Variants in SMPX observed in about 807,000 individuals in gnomAD.
The protein encoded by SMPX is small muscle protein X-linked, also known as small muscular protein.
A neutral mutation model predicts 6.3 loss-of-function variants in SMPX; 2 were observed. The ratio of observed to expected loss-of-function variants is 0.32; its 90% confidence interval spans 0.13 to 0.99. The LOEUF (loss-of-function observed/expected upper bound fraction) is 0.99, where lower values mean the gene tolerates loss of function less well. Among genes scored for constraint, SMPX ranks in the 50% least tolerant of loss-of-function variants. The probability of loss-of-function intolerance (pLI) is 0.49; values close to 1 mark genes in which losing one functional copy is unlikely to be tolerated. For synonymous variants in SMPX, 32 were observed against 24.7 expected, an observed-to-expected ratio of 1.30 and a Z score of -0.88; for missense variants, 60 against 66.8, an observed-to-expected ratio of 0.90 and a Z score of 0.36.
chrX:21,711,930 AACG>A (rs2092779207), intron 4 of SMPX, among the ~76,000 whole-genome samples: 1 of 111,971 alleles, frequency 8.9e-6, no homozygotes. Flanking sequence ...AAATAAGACA[AACG>A]CCTGGCATTT....
chrX:21,715,537 C>T (rs1204640100), intron 4 of SMPX, among the ~76,000 whole-genome samples: 1 of 110,961 alleles, frequency 9.0e-6, no homozygotes, highest in East Asian at 2.8e-4. Flanking sequence ...GAGGGCTTCT[C>T]AGTATTTAAC....
At chrX:21,728,214 TTCTCTCTCTCTCTCTCTCTCTC>T (rs61469484) in intron 4 of SMPX, among the ~76,000 whole-genome samples, 14,810 of 48,415 alleles carry the variant, frequency 0.31, 1,982 homozygotes, top group East Asian at 0.62. Context: ...TTCCCCTCCT[TTCTCTCTCTCTCTCTCTCTCTC>T]TCTCTCTCTC....
intron 2 of SMPX, among the ~76,000 whole-genome samples, chrX:21,749,605 T>C (rs1188094730): frequency 8.9e-6 from 1 of 111,859 alleles, no homozygotes; most frequent in African/African-American, 3.3e-5. Flanking sequence ...GACTGAATAA[T>C]TGATTTTAGG....
At chrX:21,726,868 A>G (rs1383273662) in intron 4 of SMPX, among the ~76,000 whole-genome samples, 1 of 112,702 alleles carries the variant, frequency 8.9e-6, no homozygotes, top group African/African-American at 3.2e-5. Context: ...GTATAAACCT[A>G]TACTTGAATC....
chrX:21,743,157 G>A (rs1260547777), intron 3 of SMPX, among the ~76,000 whole-genome samples: 1 of 111,812 alleles, frequency 8.9e-6, no homozygotes, highest in Non-Finnish European at 1.9e-5. Context: ...CAGAAATGGA[G>A]GCTTGATAGA....
At chrX:21,721,261 G>GTAT (rs1378654818) in intron 4 of SMPX, among the ~76,000 whole-genome samples, 1 of 111,700 alleles carries the variant, frequency 9.0e-6, no homozygotes, top group Admixed American at 9.5e-5. Flanking sequence ...GGGAGCTAGA[G>GTAT]TATTCTCAGC....
chrX:21,754,760 C>T (rs966114967), intron 1 of SMPX, among the ~76,000 whole-genome samples: 1 of 111,821 alleles, frequency 8.9e-6, no homozygotes, highest in Non-Finnish European at 1.9e-5. Context: ...TGTTGAACAC[C>T]CAAAAAGAAA....
At chrX:21,750,856 G>A (rs1164636534) in intron 2 of SMPX, among the ~76,000 whole-genome samples, 1 of 111,997 alleles carries the variant, frequency 8.9e-6, no homozygotes, top group African/African-American at 3.2e-5. Context: ...GCATTACTTG[G>A]ATACTTAGAA....
intron 4 of SMPX, among the ~76,000 whole-genome samples, chrX:21,714,346 C>T (rs1294542669): frequency 8.9e-6 from 1 of 111,945 alleles, no homozygotes; most frequent in African/African-American, 3.3e-5. Context: ...CAGTTTTATA[C>T]TGTATAAATT....
chrX:21,754,751 G>A (rs1435112832), intron 1 of SMPX, among the ~76,000 whole-genome samples: 1 of 111,988 alleles, frequency 8.9e-6, no homozygotes, highest in African/African-American at 3.3e-5. Flanking sequence ...CCTCCTCTTT[G>A]TTGAACACCC....
chrX:21,730,918 T>G (rs992265986), intron 4 of SMPX, among the ~76,000 whole-genome samples: 9 of 112,127 alleles, frequency 8.0e-5, no homozygotes, highest in Non-Finnish European at 1.7e-4. Context: ...ATAAAGGGCA[T>G]GTTTCCCAAA....
intron 1 of SMPX, among the ~76,000 whole-genome samples, chrX:21,755,037 G>A (rs2092831413): frequency 8.9e-6 from 1 of 112,386 alleles, no homozygotes; most frequent in South Asian, 3.7e-4. Flanking sequence ...ATGTAGAAGT[G>A]CTTCCTTCCC....
intron 4 of SMPX, among the ~76,000 whole-genome samples, chrX:21,731,562 T>G (rs1348840542): frequency 2.0e-5 from 1 of 51,099 alleles, no homozygotes; most frequent in Non-Finnish European, 4.6e-5. Flanking sequence ...TATATACACA[T>G]TATGTGTATA....
chrX:21,710,732 T>A (rs1327737444), intron 4 of SMPX, among the ~76,000 whole-genome samples: 1 of 111,409 alleles, frequency 9.0e-6, no homozygotes, highest in Non-Finnish European at 1.9e-5. Flanking sequence ...GAGGCCTGAA[T>A]ACAACTGTGA....
intron 1 of SMPX, among the ~76,000 whole-genome samples, chrX:21,754,843 T>C (rs954553867): frequency 8.9e-5 from 10 of 112,347 alleles, no homozygotes; most frequent in African/African-American, 2.6e-4. Flanking sequence ...CCCAGCAACC[T>C]GGGAGATGCT....
At chrX:21,745,567 AAAG>A (rs1474983006) in intron 2 of SMPX, among the ~76,000 whole-genome samples, 1 of 112,068 alleles carries the variant, frequency 8.9e-6, no homozygotes, top group African/African-American at 3.2e-5. Context: ...GGGCCTGAAT[AAAG>A]AAGATCAAGA....
intron 4 of SMPX, among the ~76,000 whole-genome samples, chrX:21,720,703 G>A (rs755943679): frequency 6.7e-4 from 75 of 111,984 alleles, no homozygotes; most frequent in Non-Finnish European, 1.3e-3. Context: ...ATGAAATGGG[G>A]AAGAAAGATA....
intron 4 of SMPX, among the ~76,000 whole-genome samples, chrX:21,725,518 G>T (rs1339477772): frequency 8.9e-6 from 1 of 112,417 alleles, no homozygotes; most frequent in African/African-American, 3.2e-5. Context: ...AGATGCATTT[G>T]CTAGTTAAAA....
intron 1 of SMPX, among the ~76,000 whole-genome samples, chrX:21,755,262 A>C (rs1371784191): frequency 2.7e-5 from 3 of 112,639 alleles, no homozygotes; most frequent in African/African-American, 9.7e-5. Context: ...TTTTAAACCC[A>C]AACTGTACAA....
Sources: allele counts gnomAD v4.1 joint callset (sites outside exome capture counted in the v4.1 genomes callset), GRCh38; gene constraint gnomAD v4.1.1; transcripts MANE v1.5; gene names NCBI Gene and HGNC (gene_info 2026-07-23, HGNC 2026-07-21).